The following PNLDC1 variants were observed in gnomAD, a reference collection of about 807,000 sequenced individuals.
PNLDC1 encodes PARN like ribonuclease domain containing exonuclease 1.
Under a neutral mutation model 82.0 loss-of-function variants are expected in PNLDC1, and 70 were observed. The ratio of observed to expected loss-of-function variants is 0.85; its 90% CI spans 0.70 to 1.04. The LOEUF is 1.04. Ranked by LOEUF, PNLDC1 falls within the 50% of genes least tolerant of loss-of-function variation. The probability of loss-of-function intolerance (pLI) is 0.00; values close to 1 mark genes in which losing one functional copy is unlikely to be tolerated. For missense variants in PNLDC1, 631 were observed against 661.1 expected (o/e 0.95, Z 0.50); for synonymous variants, 280 against 249.3 (o/e 1.12, Z -1.16).
chr6:159,800,368 G>A lies in PNLDC1; in HGVS notation c.61G>A (p.Glu21Lys). The change falls in exon 1 of 19, where the codon GAG becomes AAG. Residue 21 changes from glutamate to lysine, a missense_variant. Physicochemically the swap from Glu to Lys is moderately conservative, Grantham distance 56. Coordinates refer to ENST00000392167, the MANE Select transcript of PNLDC1 (RefSeq NM_001271862.2). ...CCCTCTGCTGCAGGAGCTCGTCCAG[G>A]AGGCCGACTTCGTGGGTGAAGAGCC... is the stretch of plus-strand genomic sequence containing the variant. ...SLPLLQELVQ[E>K]ADFVGLDIEF... 3 of 1,547,738 alleles carry A rather than the reference G, an allele frequency of 1.9e-6. No individual in the cohort carries two copies. Among genetic ancestry groups the A allele is most frequent in the Non-Finnish European group, 2.6e-6 (3 of 1,146,274 alleles).
At chr6:159,800,566 C>G in intron 1 of PNLDC1, 183 bp downstream of exon 1, 1 of 1,413,848 alleles carries the variant, frequency 7.1e-7, no homozygotes, top group Non-Finnish European at 9.7e-7. Flanking sequence ...CACTCCGAGC[C>G]CCACGTCCCT....
intron 1 of PNLDC1, 150 bp from the exon 2 acceptor site, chr6:159,800,622 C>T (rs1781207177): frequency 1.3e-6 from 2 of 1,591,910 alleles, no homozygotes; most frequent in African/African-American, 1.3e-5. Context: ...TGCTCCTTGC[C>T]TTGGTTCCTC....
At position 159,800,358 on chromosome 6, in the gene PNLDC1, G is replaced by C; in HGVS notation, c.51G>C (p.Glu17Asp). 6.5e-7 allele frequency: 1 copy of C among 1,548,078 alleles called. No individual in the cohort carries two copies. The change falls in exon 1 of 19, where the codon GAG (glutamate) becomes GAC (aspartate). Residue 17 changes from glutamate (E) to aspartate (D), a missense_variant. By Grantham distance (45) the Glu-to-Asp change is conservative. Transcript: ENST00000392167. ...AGGAGAGCCTCCCTCTGCTGCAGGA[G>C]CTCGTCCAGGAGGCCGACTTCGTGG... ...EFEESLPLLQ[E>D]LVQEADFVGL...
intron 11 of PNLDC1, among the ~76,000 whole-genome samples, chr6:159,812,965 A>T (rs548720943): frequency 6.6e-6 from 1 of 152,184 alleles, no homozygotes; most frequent in Admixed American, 6.5e-5. Flanking sequence ...TGGAGATTGC[A>T]GTGAGCCGAG....
chr6:159,819,459 G>T lies in PNLDC1; in HGVS notation c.1532+107G>T. 2.1e-6 allele frequency: 2 copies of T among 965,840 alleles called. No homozygotes were observed. Among genetic ancestry groups the T allele is most frequent in the Non-Finnish European group, 3.1e-6 (2 of 648,652 alleles). The allele number at this position is 965,840 out of a possible 1,614,324, so 59.8% of individuals were successfully genotyped here. ...GAGCACAGCTCACTTGCTGGTGTGTGTTGCCAAGGGGGTTGTGTTGACGAG... is the reference window on the plus strand; with the variant it reads ...GAGCACAGCTCACTTGCTGGTGTGTTTTGCCAAGGGGGTTGTGTTGACGAG... On this transcript the variant is annotated intron_variant, in intron 18 of 18. Transcript: ENST00000392167. The surrounding 1 kb of genome is among the most constrained non-coding windows in gnomAD (Gnocchi z 4.6).
At chr6:159,807,900 G>A (rs1781505995) in intron 7 of PNLDC1, among the ~76,000 whole-genome samples, 1 of 151,768 alleles carries the variant, frequency 6.6e-6, no homozygotes, top group African/African-American at 2.4e-5. Flanking sequence ...ACATCTGCTT[G>A]AGGCTGGATT....
chr6:159,817,067 T>G, intron 14 of PNLDC1, 42 bp from the exon 15 acceptor site: 1 of 1,575,970 alleles, frequency 6.3e-7, no homozygotes, highest in Non-Finnish European at 8.7e-7. Flanking sequence ...GCATGCACAT[T>G]TTGATAAGCT....
chr6:159,804,692 T>C, intron 6 of PNLDC1, 55 bp downstream of exon 6: 1 of 1,380,252 alleles, frequency 7.2e-7, no homozygotes, highest in Non-Finnish European at 1.0e-6. Context: ...TTGTCTGCAT[T>C]TCCCGTGGGC....
chr6:159,801,270 A>G, intron 3 of PNLDC1, 84 bp downstream of exon 3: 3 of 1,279,204 alleles, frequency 2.3e-6, no homozygotes, highest in South Asian at 2.4e-5. Flanking sequence ...CAGCTCTGAG[A>G]TTTTTCAAGG....
At chr6:159,803,715 C>T (rs1472922606) in intron 4 of PNLDC1, among the ~76,000 whole-genome samples, 2 of 152,162 alleles carry the variant, frequency 1.3e-5, no homozygotes, top group Non-Finnish European at 2.9e-5. Flanking sequence ...GCCTGCACGC[C>T]CTAACCTGGC....
intron 3 of PNLDC1, among the ~76,000 whole-genome samples, chr6:159,801,528 C>T (rs1424329308): frequency 6.6e-6 from 1 of 152,164 alleles, no homozygotes; most frequent in Non-Finnish European, 1.5e-5. Context: ...CTCACTGCAG[C>T]CTAGACTTCC....
intron 7 of PNLDC1, 150 bp from the exon 8 acceptor site, chr6:159,808,590 C>T: frequency 1.5e-6 from 1 of 672,888 alleles, no homozygotes; most frequent in Non-Finnish European, 2.6e-6. Flanking sequence ...CAGGCCAGGC[C>T]CTGCCACATG....
At chr6:159,801,242 G>C in intron 3 of PNLDC1, 56 bp downstream of exon 3, 1 of 1,490,196 alleles carries the variant, frequency 6.7e-7, no homozygotes, top group South Asian at 1.1e-5. Flanking sequence ...ATTGTCCTTG[G>C]ATTTCCTACT....
intron 10 of PNLDC1, among the ~76,000 whole-genome samples, chr6:159,810,525 C>T (rs1288924646): frequency 3.3e-5 from 5 of 152,122 alleles, no homozygotes; most frequent in Admixed American, 3.3e-4. Context: ...CTAATAAATG[C>T]TGCTTCAGTG....
chr6:159,809,946 C>T, intron 9 of PNLDC1, 80 bp from the exon 10 acceptor site: 2 of 1,217,848 alleles, frequency 1.6e-6, no homozygotes, highest in Admixed American at 3.4e-5. Context: ...AACACTATAT[C>T]TTTTGCAAGA....
rs1781800837 is a variant in PNLDC1, at chr6:159,815,996, A to G, written c.1023A>G (p.Gly341=). The G allele has an allele frequency of 1.9e-6, 3 of 1,613,202 alleles. No individual in the cohort carries two copies. Among genetic ancestry groups the G allele is most frequent in the Non-Finnish European group, 2.5e-6 (3 of 1,179,764 alleles). Residue 341 remains glycine, a synonymous_variant, in exon 13 of 19, where the codon GGA becomes GGG. Transcript: ENST00000392167. ...NSDLNPTKNS[G]PEIVHASRCE... ...ACTTGAATCCCACCAAGAATTCTGG[A>G]CCAGAGATTGTTCACGCGAGCAGGT...
intron 10 of PNLDC1, among the ~76,000 whole-genome samples, chr6:159,810,633 GA>G (rs1284651794): frequency 6.6e-6 from 1 of 152,124 alleles, no homozygotes; most frequent in Admixed American, 6.5e-5. Flanking sequence ...GTGGGGCCTC[GA>G]GCCTTGGTGA....
chr6:159,808,815 G>A lies in PNLDC1; in HGVS notation c.638G>A (p.Gly213Glu). 6.2e-7 allele frequency: 1 copy of A among 1,613,982 alleles called. No homozygotes were observed. Among genetic ancestry groups the A allele is most frequent in the Non-Finnish European group, 8.5e-7 (1 of 1,179,934 alleles). The change falls in exon 8 of 19, where the codon GGG (glycine) becomes GAG (glutamate). Residue 213 changes from glycine to glutamate, a missense_variant and splice_region_variant. By Grantham distance (98) the Gly-to-Glu change is moderately conservative. Transcript: ENST00000392167. ...ATCTGGACGGTGCTGAAAGATGAGG[G>A]GGTGAGTTCTCACTGCGAACGGGGC... ...PNIWTVLKDE[G>E]VVVKKVSKQH... is the part of the protein sequence containing the mutation.
chr6:159,814,461 G>A (rs910629343), intron 12 of PNLDC1, among the ~76,000 whole-genome samples: 1 of 152,156 alleles, frequency 6.6e-6, no homozygotes, highest in East Asian at 1.9e-4. Context: ...CTGCGGTCCA[G>A]ACCTCAGCAT....
Sources: gnomAD v4.1 joint callset for allele counts (sites outside exome capture counted in the v4.1 genomes callset) on GRCh38, gnomAD v4.1.1 for gene constraint, Gnocchi (gnomAD v3.1) non-coding constraint, MANE v1.5 for transcripts, NCBI Gene and HGNC (gene_info 2026-07-23, HGNC 2026-07-21) for gene names.